Variants in APOLD1 observed in about 807,000 individuals in gnomAD.
APOLD1 encodes apolipoprotein L domain-containing protein 1.
In APOLD1, 22 loss-of-function variants were observed where a neutral mutation model predicts 15.3. The observed-to-expected ratio is 1.44, with a 90% CI of 1.03 to 2.05. The LOEUF (loss-of-function observed/expected upper bound fraction) is 2.05, where lower values mean the gene tolerates loss of function less well. Among genes scored for constraint, APOLD1 ranks in the 30% most tolerant of loss-of-function variants. The probability of loss-of-function intolerance (pLI) is 0.00; values close to 1 mark genes in which losing one functional copy is unlikely to be tolerated. For synonymous variants in APOLD1, 190 were observed against 167.4 expected (o/e 1.13, Z -1.04); for missense variants, 394 against 353.5 (o/e 1.11, Z -0.92).
At chr12:12,773,594 A>G (rs1378046033) in intron 1 of APOLD1, among the ~76,000 whole-genome samples, 2 of 152,172 alleles carry the variant, frequency 1.3e-5, no homozygotes, top group African/African-American at 4.8e-5. Flanking sequence ...AAGATTATAA[A>G]AATCAGAGGA....
chr12:12,776,021 A>C (rs1436981674), intron 1 of APOLD1, among the ~76,000 whole-genome samples: 1 of 150,484 alleles, frequency 6.6e-6, no homozygotes, highest in African/African-American at 2.4e-5. Context: ...AAAAAAAAAA[A>C]AAAAACACAA....
chr12:12,748,172 A>G (rs1002888998), intron 1 of APOLD1, among the ~76,000 whole-genome samples: 2 of 152,206 alleles, frequency 1.3e-5, no homozygotes, highest in South Asian at 4.1e-4. Flanking sequence ...TAAGAGAGTG[A>G]AAAAAATATC....
At chr12:12,731,460 G>A (rs1178477654) in intron 1 of APOLD1, among the ~76,000 whole-genome samples, 2 of 152,140 alleles carry the variant, frequency 1.3e-5, no homozygotes, top group Non-Finnish European at 2.9e-5. Flanking sequence ...TTTATTTGTG[G>A]TAATAAATCA....
At chr12:12,779,294 T>C (rs1310861350) in intron 1 of APOLD1, among the ~76,000 whole-genome samples, 1 of 152,160 alleles carries the variant, frequency 6.6e-6, no homozygotes, top group Non-Finnish European at 1.5e-5. Flanking sequence ...ATTCTGTCTT[T>C]TTCTCTTCCA....
At chr12:12,777,749 A>G (rs1280053004) in intron 1 of APOLD1, among the ~76,000 whole-genome samples, 2 of 151,824 alleles carry the variant, frequency 1.3e-5, no homozygotes, top group East Asian at 1.9e-4. Context: ...AGATTTTTGC[A>G]TTAGGGAAAT....
intron 1 of APOLD1, chr12:12,786,603 T>C (rs1280918223): frequency 1.0e-6 from 1 of 969,428 alleles, no homozygotes; most frequent in African/African-American, 1.8e-5. Context: ...CCAGTTTAAA[T>C]CTTATTTAAC....
Position 12,787,828 on chromosome 12 carries a change from C to T in APOLD1, c.*176C>T, listed in dbSNP as rs1200806978. ...AGCCCTTCTTTTCCCATCACTGTGA[C>T]ATCTGCCTGGGCTTGAGTGCTACGG... On this transcript the variant is annotated 3_prime_UTR_variant, in exon 2 of 2. Coordinates refer to ENST00000356591, the MANE Select transcript of APOLD1 (RefSeq NM_030817.3). The surrounding 1 kb of genome is among the most constrained non-coding windows in gnomAD (Gnocchi z 4.9). The T allele has an allele frequency of 1.0e-5, 9 of 880,456 alleles. No homozygotes were observed. The allele number at this position is 880,456 out of a possible 1,614,324, so 54.5% of individuals were successfully genotyped here. A position where few individuals can be genotyped will look rare whatever the true frequency, so the allele number is the denominator to read the frequency against.
intron 1 of APOLD1, among the ~76,000 whole-genome samples, chr12:12,779,291 C>A (rs536088592): frequency 2.0e-5 from 3 of 152,252 alleles, no homozygotes; most frequent in African/African-American, 7.2e-5. Context: ...TATATTCTGT[C>A]TTTTTCTCTT....
At chr12:12,766,737 TACTC>T (rs892212733) in intron 1 of APOLD1, among the ~76,000 whole-genome samples, 1 of 152,060 alleles carries the variant, frequency 6.6e-6, no homozygotes, top group Non-Finnish European at 1.5e-5. Flanking sequence ...TAATCCCAAT[TACTC>T]AGGAGGCTGA....
rs112163594 is a variant in APOLD1, at chr12:12,778,739, C to G, written c.97-8170C>G. 3.8e-3 allele frequency among the ~76,000 whole-genome samples: 582 copies of G among 152,294 alleles called. 2 individuals are homozygous for G. The highest frequency in any genetic ancestry group is 0.013 in the African/African-American group (552 of 41,562). On this transcript the variant is annotated intron_variant, in intron 1 of 1. Transcript: ENST00000326765. ...TAGGAATGATTAGTCAATTTTGCTT[C>G]CAAAACATATTCTGTACTTTATCCA...
chr12:12,751,120 T>A (rs994407232), intron 1 of APOLD1, among the ~76,000 whole-genome samples: 1 of 151,870 alleles, frequency 6.6e-6, no homozygotes, highest in African/African-American at 2.4e-5. Context: ...AGTGAACTAT[T>A]TTGGAACCTT....
intron 1 of APOLD1, among the ~76,000 whole-genome samples, chr12:12,728,724 T>C (rs1946614571): frequency 6.8e-6 from 1 of 147,706 alleles, no homozygotes; most frequent in Admixed American, 6.7e-5. Context: ...AGAGAAAGAT[T>C]GGAAACTCCA....
intron 1 of APOLD1, among the ~76,000 whole-genome samples, chr12:12,733,160 CA>C (rs10569123): frequency 0.13 from 18,221 of 138,078 alleles, 1,133 homozygotes; most frequent in East Asian, 0.29. Flanking sequence ...CAAAAAACAC[CA>C]AAAAAAAAAA....
intron 1 of APOLD1, among the ~76,000 whole-genome samples, chr12:12,770,780 T>TAAAAAAAAA (rs59764569): frequency 7.0e-6 from 1 of 142,466 alleles, no homozygotes; most frequent in African/African-American, 2.6e-5. Flanking sequence ...GAATACATGT[T>TAAAAAAAAA]AAAAAAAAAA....
intron 1 of APOLD1, among the ~76,000 whole-genome samples, chr12:12,774,902 A>G (rs1947020229): frequency 6.6e-6 from 1 of 152,214 alleles, no homozygotes; most frequent in South Asian, 2.1e-4. Context: ...AGTTTCTTAC[A>G]AAACTAAACA....
chr12:12,770,892 A>G (rs1273198234), intron 1 of APOLD1, among the ~76,000 whole-genome samples: 2 of 152,132 alleles, frequency 1.3e-5, no homozygotes, highest in African/African-American at 4.8e-5. Flanking sequence ...TATAGAGAAG[A>G]AAAGAATTAC....
chr12:12,757,179 G>C (rs923323985), intron 1 of APOLD1, among the ~76,000 whole-genome samples: 1 of 152,200 alleles, frequency 6.6e-6, no homozygotes, highest in Non-Finnish European at 1.5e-5. Context: ...TCTCCAAAGA[G>C]ATTTGAAGAG....
At chr12:12,742,474 G>C (rs1285425973) in intron 1 of APOLD1, among the ~76,000 whole-genome samples, 1 of 152,120 alleles carries the variant, frequency 6.6e-6, no homozygotes, top group African/African-American at 2.4e-5. Context: ...GTAGATAAGA[G>C]GGCCCTGGTC....
intron 1 of APOLD1, among the ~76,000 whole-genome samples, chr12:12,731,697 A>T (rs530480039): frequency 6.4e-4 from 98 of 152,396 alleles, no homozygotes; most frequent in African/African-American, 2.3e-3. Context: ...CTATTGGGAT[A>T]TAAACCATAT....
Sources: gnomAD v4.1 joint callset for allele counts (sites outside exome capture counted in the v4.1 genomes callset) on GRCh38, gnomAD v4.1.1 for gene constraint, Gnocchi (gnomAD v3.1) non-coding constraint, MANE v1.5 for transcripts, NCBI Gene and HGNC (gene_info 2026-07-23, HGNC 2026-07-21) for gene names.